The following ANGPT2 variants were observed in gnomAD, a reference collection of about 807,000 sequenced individuals.
ANGPT2 encodes the protein angiopoietin 2.
ANGPT2 carries 28 observed loss-of-function variants against 62.9 expected under a neutral mutation model. That is an observed-to-expected ratio of 0.44 (90% confidence interval 0.33 to 0.61). The LOEUF (loss-of-function observed/expected upper bound fraction) is 0.61, where lower values mean the gene tolerates loss of function less well. Ranked by LOEUF, ANGPT2 falls within the 20% of genes least tolerant of loss-of-function variation. The pLI, the probability that ANGPT2 is intolerant of heterozygous loss-of-function variation, is 0.03. For synonymous variants in ANGPT2, 284 were observed against 207.8 expected, an observed-to-expected ratio of 1.37 and a Z score of -3.15; for missense variants, 727 against 594.9, an observed-to-expected ratio of 1.22 and a Z score of -2.31.
intron 2 of ANGPT2, among the ~76,000 whole-genome samples, chr8:6,529,747 G>C (rs1819095470): frequency 6.7e-6 from 1 of 150,060 alleles, no homozygotes; most frequent in African/African-American, 2.5e-5. Context: ...TTATAGATCT[G>C]AGCAAGCGTG....
rs1812472255 is a variant in ANGPT2 at position 6,502,909 on chromosome 8, T to C, written c.*192A>G. On this transcript the variant is annotated 3_prime_UTR_variant, in exon 9 of 9. Transcript: ENST00000629816. Reference sequence around the variant, plus strand: ...AATTATGGATGTTTAGGGTCTTGCTTTGGTCCGTTAAGTGATGCAAGTTTA... The same window carrying C: ...AATTATGGATGTTTAGGGTCTTGCTCTGGTCCGTTAAGTGATGCAAGTTTA... The C allele has an allele frequency of 3.3e-6, 2 of 607,798 alleles. No homozygotes were observed. Among genetic ancestry groups the C allele is most frequent in the Non-Finnish European group, 5.7e-6 (2 of 353,720 alleles). 37.7% of individuals were successfully genotyped at this position (607,798 alleles called of 1,614,324 possible). A position where few individuals can be genotyped will look rare whatever the true frequency, so the allele number is the denominator to read the frequency against.
At chr8:6,538,693 A>G (rs1586478763) in intron 1 of ANGPT2, among the ~76,000 whole-genome samples, 1 of 152,140 alleles carries the variant, frequency 6.6e-6, no homozygotes, top group Admixed American at 6.5e-5. Context: ...TTTCCTTTTG[A>G]TATCAAAACC....
intron 3 of ANGPT2, among the ~76,000 whole-genome samples, chr8:6,526,238 G>C (rs543151784): frequency 7.2e-6 from 1 of 138,226 alleles, no homozygotes; most frequent in South Asian, 2.3e-4. Flanking sequence ...TGGGCAATAT[G>C]GCAAAACCTT....
At chr8:6,504,778 C>G (rs1419964816) in intron 8 of ANGPT2, among the ~76,000 whole-genome samples, 3 of 152,086 alleles carry the variant, frequency 2.0e-5, no homozygotes, top group East Asian at 1.9e-4. Flanking sequence ...TGTTAAGTCT[C>G]TTGTGACTAG....
chr8:6,556,293 C>G (rs531578723), intron 1 of ANGPT2, among the ~76,000 whole-genome samples: 1 of 151,842 alleles, frequency 6.6e-6, no homozygotes, highest in Non-Finnish European at 1.5e-5. Context: ...ATAATTATAC[C>G]TGATATTTAC....
intron 1 of ANGPT2, among the ~76,000 whole-genome samples, chr8:6,558,439 AT>A (rs1261508231): frequency 1.3e-5 from 2 of 152,178 alleles, no homozygotes; most frequent in African/African-American, 4.8e-5. Context: ...AATGTACAAA[AT>A]TTCAATTATT....
intron 8 of ANGPT2, among the ~76,000 whole-genome samples, chr8:6,504,127 G>C (rs1365159479): frequency 6.6e-6 from 1 of 151,844 alleles, no homozygotes; most frequent in Non-Finnish European, 1.5e-5. Flanking sequence ...GACCATCCTG[G>C]CTAACACGGT....
intron 1 of ANGPT2, among the ~76,000 whole-genome samples, chr8:6,561,120 G>C (rs145671927): frequency 6.6e-6 from 1 of 152,314 alleles, no homozygotes; most frequent in East Asian, 1.9e-4. Context: ...ATTTCAACCT[G>C]TGTTGCTGCA....
At chr8:6,528,361 C>T (rs986609838) in intron 2 of ANGPT2, among the ~76,000 whole-genome samples, 9 of 152,094 alleles carry the variant, frequency 5.9e-5, no homozygotes, top group Non-Finnish European at 4.4e-5. Context: ...TTCCCTTTGC[C>T]GAAAACAAAA....
chr8:6,532,307 G>T lies in ANGPT2; in HGVS notation c.444+25C>A, dbSNP rs142236993. 12,290 of 1,613,702 alleles carry T rather than the reference G, an allele frequency of 7.6e-3. 67 individuals are homozygous for T. The highest frequency in any genetic ancestry group is 9.2e-3 in the Non-Finnish European group (10,878 of 1,179,870). On this transcript the variant is annotated intron_variant, in intron 2 of 8. Transcript: ENST00000629816. ...GCTAGTCTCTAGCTGCAGGGACACCGTGTGCTTTATGTGGCATTACTTACT... is the reference window on the plus strand; with the variant it reads ...GCTAGTCTCTAGCTGCAGGGACACCTTGTGCTTTATGTGGCATTACTTACT...
In ANGPT2 at chr8:6,557,539, T is replaced by G. The variant is rs1824833242; in HGVS notation, c.288+5108A>C. 2.6e-5 allele frequency among the ~76,000 whole-genome samples: 4 copies of G among 152,148 alleles called. No homozygotes were observed. The South Asian group carries it at 8.3e-4, about 32-fold the overall frequency. On this transcript the variant is annotated intron_variant, in intron 1 of 8. Coordinates refer to ENST00000629816, the MANE Select transcript of ANGPT2 (RefSeq NM_001118887.2). ...GGTTCCTTCAAGCCAAAGGAGGATGTAGTGAAAAGAGAATAGGTGTTGGCT... is the reference window on the plus strand; with the variant it reads ...GGTTCCTTCAAGCCAAAGGAGGATGGAGTGAAAAGAGAATAGGTGTTGGCT...
intron 1 of ANGPT2, among the ~76,000 whole-genome samples, chr8:6,558,568 C>T (rs1434708153): frequency 4.6e-5 from 7 of 152,122 alleles, no homozygotes; most frequent in Admixed American, 1.3e-4. Context: ...TTGTGGATTA[C>T]AACCTGTTTG....
At chr8:6,549,371 T>G (rs917683618) in intron 1 of ANGPT2, among the ~76,000 whole-genome samples, 5 of 152,216 alleles carry the variant, frequency 3.3e-5, no homozygotes, top group Admixed American at 2.0e-4. Context: ...TTGTTCCAAT[T>G]ACATGACATT....
intron 1 of ANGPT2, among the ~76,000 whole-genome samples, chr8:6,533,559 C>T (rs1264637150): frequency 8.2e-6 from 1 of 122,636 alleles, no homozygotes; most frequent in Non-Finnish European, 1.7e-5. Context: ...AGATACTTAG[C>T]GTTTAGTTTC....
chr8:6,551,644 G>C (rs1188908339), intron 1 of ANGPT2, among the ~76,000 whole-genome samples: 1 of 152,096 alleles, frequency 6.6e-6, no homozygotes, highest in Non-Finnish European at 1.5e-5. Flanking sequence ...AAATGATTCA[G>C]GTCAGGAATT....
chr8:6,531,916 G>T (rs1819593194), intron 2 of ANGPT2, among the ~76,000 whole-genome samples: 1 of 152,176 alleles, frequency 6.6e-6, no homozygotes, highest in South Asian at 2.1e-4. Context: ...CTTAACTCAA[G>T]AGTTAGATTT....
At chr8:6,531,012 T>C (rs2442604) in intron 2 of ANGPT2, among the ~76,000 whole-genome samples, 65,114 of 151,998 alleles carry the variant, frequency 0.43, 14,032 homozygotes, top group Middle Eastern at 0.52. Context: ...TTTTTAAAAG[T>C]ATTCCTTATA....
intron 1 of ANGPT2, among the ~76,000 whole-genome samples, chr8:6,555,994 C>G (rs568433446): frequency 2.0e-5 from 3 of 152,178 alleles, no homozygotes; most frequent in Non-Finnish European, 2.9e-5. Flanking sequence ...CAATCGGAAT[C>G]TGTCAAGTCT....
chr8:6,551,155 G>C lies in ANGPT2; in HGVS notation c.288+11492C>G, dbSNP rs532776802. Among the ~76,000 whole-genome samples the C allele has an allele frequency of 8.5e-5, 13 of 152,272 alleles. No individual in the cohort carries two copies. The East Asian group carries it at 2.1e-3, about 25-fold the overall frequency. On this transcript the variant is annotated intron_variant, in intron 1 of 8. Transcript: ENST00000629816. ...GACCATCTGTGCTGATGCTGACTTA[G>C]GATTTTAAATCACTTAAATTTGAGC...
Sources: allele counts gnomAD v4.1 joint callset (sites outside exome capture counted in the v4.1 genomes callset), GRCh38; gene constraint gnomAD v4.1.1; transcripts MANE v1.5; gene names NCBI Gene and HGNC (gene_info 2026-07-23, HGNC 2026-07-21).